TRIO: variants seen among roughly 807,000 people sequenced by gnomAD.
The protein encoded by TRIO is trio Rho guanine nucleotide exchange factor.
A neutral mutation model predicts 351.9 loss-of-function variants in TRIO; 58 were observed. The ratio of observed to expected loss-of-function variants is 0.16; its 90% CI spans 0.13 to 0.21. The LOEUF (loss-of-function observed/expected upper bound fraction) is 0.21. Ranked by LOEUF, TRIO falls within the 10% of genes least tolerant of loss-of-function variation. The pLI is 1.00. For synonymous variants in TRIO, 1,758 were observed against 1,595.7 expected, an observed-to-expected ratio of 1.10 and a Z score of -2.42; for missense variants, 3,201 against 4,027.8, an observed-to-expected ratio of 0.79 and a Z score of 5.56.
chr5:14,377,955 G>T, intron 19 of TRIO, 57 bp from the exon 20 acceptor site: 1 of 1,300,788 alleles, frequency 7.7e-7, no homozygotes, highest in Non-Finnish European at 1.1e-6. Flanking sequence ...ATGGAATTTC[G>T]CGGTTGTTTT....
chr5:14,389,999 C>T (rs536334426), intron 25 of TRIO, among the ~76,000 whole-genome samples: 2 of 152,228 alleles, frequency 1.3e-5, no homozygotes, highest in Non-Finnish European at 1.5e-5. Context: ...TTTACGTCTC[C>T]GAAGTATATG....
intron 34 of TRIO, among the ~76,000 whole-genome samples, chr5:14,430,252 G>A (rs1750987948): frequency 6.7e-6 from 1 of 149,404 alleles, no homozygotes; most frequent in Non-Finnish European, 1.5e-5. Flanking sequence ...TTTTTGAATG[G>A]GCCTCTTTAA....
At chr5:14,219,192 T>C (rs1792428685) in intron 1 of TRIO, among the ~76,000 whole-genome samples, 1 of 152,064 alleles carries the variant, frequency 6.6e-6, no homozygotes, top group East Asian at 1.9e-4. Flanking sequence ...TGTGTGTGTA[T>C]GTGAAGTGGA....
intron 32 of TRIO, 159 bp downstream of exon 32, chr5:14,406,149 G>A: frequency 9.1e-7 from 1 of 1,094,566 alleles, no homozygotes; most frequent in Non-Finnish European, 1.3e-6. Flanking sequence ...TAATGAAACT[G>A]CTTTGTCAGA....
intron 1 of TRIO, among the ~76,000 whole-genome samples, chr5:14,218,488 T>C (rs1034006179): frequency 3.9e-5 from 6 of 152,236 alleles, no homozygotes; most frequent in African/African-American, 1.4e-4. Flanking sequence ...AACTCTGCTG[T>C]GAAATTGATG....
intron 31 of TRIO, among the ~76,000 whole-genome samples, chr5:14,403,779 T>TGAG (rs1748432034): frequency 9.5e-6 from 1 of 105,466 alleles, no homozygotes; most frequent in African/African-American, 5.6e-5. Context: ...GTGTAGGTTG[T>TGAG]GGTGAGGGTG....
intron 1 of TRIO, among the ~76,000 whole-genome samples, chr5:14,199,220 C>G (rs1197195594): frequency 3.3e-4 from 17 of 50,864 alleles, no homozygotes; most frequent in African/African-American, 9.4e-4. Context: ...AAAAAAAAAA[C>G]CTCCCTAAAA....
chr5:14,405,990 G>T lies in TRIO; in HGVS notation c.4859G>T (p.Arg1620Met). 3 of 1,612,974 alleles carry T rather than the reference G, an allele frequency of 1.9e-6. No individual in the cohort carries two copies. In the South Asian group the frequency reaches 3.3e-5, roughly 18 times the overall value. The change falls in exon 32 of 57, where the codon AGG becomes ATG. Residue 1620 changes from arginine to methionine, a missense_variant and splice_region_variant. Arg to Met is a moderately conservative substitution (Grantham distance 91, BLOSUM62 -1). This residue lies in a region of TRIO where 136 missense variants were observed against 229.5 expected (regional missense o/e 0.59). Coordinates refer to ENST00000344204, the MANE Select transcript of TRIO (RefSeq NM_007118.4). ...CCCGCCACAAGACAGAAGGGAAGGA[G>T]GTGCGTGTCTGGGCGCCACTGGAGG... The part of the protein sequence containing the change: ...TAPATRQKGR[R>M]DGEDLDSQGD...
intron 1 of TRIO, among the ~76,000 whole-genome samples, chr5:14,229,263 T>C (rs1793249854): frequency 6.6e-6 from 1 of 152,220 alleles, no homozygotes; most frequent in Non-Finnish European, 1.5e-5. Context: ...CTTTAGTCTC[T>C]ATCTCAGCTA....
intron 24 of TRIO, among the ~76,000 whole-genome samples, 190 bp from the exon 25 acceptor site, chr5:14,389,099 A>C (rs780383468): frequency 5.1e-4 from 77 of 151,978 alleles, no homozygotes; most frequent in Non-Finnish European, 9.0e-4. Flanking sequence ...AAGTATAGGA[A>C]CTCCTCTCAA....
At chr5:14,252,474 T>C (rs1018387653) in intron 1 of TRIO, among the ~76,000 whole-genome samples, 4 of 152,168 alleles carry the variant, frequency 2.6e-5, no homozygotes, top group African/African-American at 4.8e-5. Flanking sequence ...CCCCAGCAGG[T>C]TGAACTCACA....
intron 48 of TRIO, 169 bp from the exon 49 acceptor site, chr5:14,492,396 GCA>G (rs1756554400): frequency 1.3e-6 from 1 of 787,496 alleles, no homozygotes; most frequent in Non-Finnish European, 2.0e-6. Flanking sequence ...TGAAATAGAT[GCA>G]CACAGTTAGC....
Position 14,389,283 on chromosome 5 carries a change from G to C in TRIO, c.3949-6G>C. 1 of 1,601,544 alleles carries C rather than the reference G, an allele frequency of 6.2e-7. No homozygotes were observed. The highest frequency in any genetic ancestry group is 8.5e-7 in the Non-Finnish European group (1 of 1,175,558). Reference sequence around the variant, plus strand: ...TTTGTCTAATCCCTGTTTCCCTCTCGGCTAGACGTACCTGTGGGAAATGAC... The same window carrying C: ...TTTGTCTAATCCCTGTTTCCCTCTCCGCTAGACGTACCTGTGGGAAATGAC... On this transcript the variant is annotated splice_region_variant and splice_polypyrimidine_tract_variant and intron_variant, in intron 24 of 56. Coordinates refer to ENST00000344204, the MANE Select transcript of TRIO (RefSeq NM_007118.4).
Position 14,261,569 on chromosome 5 carries a change from CATA to C in TRIO, c.158-9253_158-9251del, listed in dbSNP as rs1030579324. On this transcript the variant is annotated intron_variant, in intron 1 of 56. Transcript: ENST00000344204. The stretch of plus-strand genomic sequence containing the variant: ...CATGCTTGGTCTGTTTACAAAATCT[CATA>C]ATGAAAACATTTCAGTGTCACGTTA... Among the ~76,000 whole-genome samples, 3 of 152,218 alleles carry C rather than the reference CATA, an allele frequency of 2.0e-5. No individual in the cohort carries two copies. The East Asian group carries it at 5.8e-4, about 29-fold the overall frequency.
At chr5:14,494,052 C>G (rs553146038) in intron 49 of TRIO, among the ~76,000 whole-genome samples, 3 of 152,282 alleles carry the variant, frequency 2.0e-5, no homozygotes, top group African/African-American at 7.2e-5. Context: ...TTAAGGAAAG[C>G]TAATCCTGTA....
chr5:14,458,247 A>T (rs553098787), intron 34 of TRIO, among the ~76,000 whole-genome samples: 1 of 152,124 alleles, frequency 6.6e-6, no homozygotes, highest in Non-Finnish European at 1.5e-5. Flanking sequence ...CTGTTTCTTT[A>T]GACTGTTGAT....
intron 34 of TRIO, among the ~76,000 whole-genome samples, chr5:14,438,748 C>T (rs1193305067): frequency 6.6e-6 from 1 of 152,252 alleles, no homozygotes; most frequent in African/African-American, 2.4e-5. Context: ...TGCCTCGCCT[C>T]CTCTCCCATC....
At chr5:14,313,358 A>T (rs1407638635) in intron 8 of TRIO, among the ~76,000 whole-genome samples, 1 of 152,208 alleles carries the variant, frequency 6.6e-6, no homozygotes. Flanking sequence ...AAATCCAGTC[A>T]TGATCTCTGG....
chr5:14,451,548 C>G (rs1251221779), intron 34 of TRIO, among the ~76,000 whole-genome samples: 2 of 152,190 alleles, frequency 1.3e-5, no homozygotes, highest in Admixed American at 1.3e-4. Context: ...GGAAGAACTT[C>G]CTGAATAAAA....
Sources: allele counts gnomAD v4.1 joint callset (sites outside exome capture counted in the v4.1 genomes callset), GRCh38; gene constraint gnomAD v4.1.1; regional missense constraint gnomAD v4.1.1; transcripts MANE v1.5; gene names NCBI Gene and HGNC (gene_info 2026-07-23, HGNC 2026-07-21).